GPHN: variants seen among roughly 807,000 people sequenced by gnomAD.
GPHN encodes gephyrin.
GPHN carries 17 observed loss-of-function variants against 95.5 expected under a neutral mutation model. That is an observed-to-expected ratio of 0.18 (90% CI 0.12 to 0.27). The LOEUF is 0.27. Among genes scored for constraint, GPHN ranks in the 10% least tolerant of loss-of-function variants. The pLI, the probability that GPHN is intolerant of heterozygous loss-of-function variation, is 1.00. For missense variants in GPHN, 660 were observed against 978.1 expected (o/e 0.67, Z 4.34); for synonymous variants, 320 against 322.5 (o/e 0.99, Z 0.08).
chr14:67,285,062 G>T, the GPHN span, among the ~76,000 whole-genome samples: 1 of 152,054 alleles, frequency 6.6e-6, no homozygotes, highest in African/African-American at 2.4e-5. Context: ...TCCACAGGTA[G>T]ATGTACTGGA....
intron 4 of GPHN, among the ~76,000 whole-genome samples, chr14:66,867,902 G>A (rs533090380): frequency 2.8e-4 from 42 of 152,186 alleles, no homozygotes; most frequent in Middle Eastern, 3.4e-3. Context: ...CATCAGAAGC[G>A]TCACCTGGAA....
At chr14:67,716,476 C>T in the GPHN span, among the ~76,000 whole-genome samples, 1 of 152,192 alleles carries the variant, frequency 6.6e-6, no homozygotes, top group Non-Finnish European at 1.5e-5. Flanking sequence ...AAATGTTACG[C>T]TTCTTGATTT....
the GPHN span, chr14:67,585,707 T>C: frequency 1.5e-6 from 2 of 1,320,374 alleles, no homozygotes. Context: ...CAACATGGTC[T>C]TTTCTTCTCC....
At chr14:67,067,938 G>T (rs1267818738) in intron 11 of GPHN, among the ~76,000 whole-genome samples, 1 of 152,176 alleles carries the variant, frequency 6.6e-6, no homozygotes, top group Non-Finnish European at 1.5e-5. Flanking sequence ...GCCCTGCTTC[G>T]ACTCGCCCTC....
At chr14:67,292,544 T>C in the GPHN span, 6 of 1,613,218 alleles carry the variant, frequency 3.7e-6, no homozygotes, top group Non-Finnish European at 5.1e-6. Flanking sequence ...CTTAAACATA[T>C]CCAACATACT....
chr14:66,895,784 A>G (rs934281586), intron 5 of GPHN, among the ~76,000 whole-genome samples: 1 of 152,202 alleles, frequency 6.6e-6, no homozygotes, highest in African/African-American at 2.4e-5. Context: ...TGGCAGAAGA[A>G]AAATCATCTC....
intron 1 of GPHN, among the ~76,000 whole-genome samples, chr14:66,643,502 A>T (rs953625269): frequency 6.6e-6 from 1 of 152,112 alleles, no homozygotes; most frequent in Non-Finnish European, 1.5e-5. Flanking sequence ...AGTAGAATGG[A>T]TAACTAAATC....
intron 4 of GPHN, among the ~76,000 whole-genome samples, chr14:66,860,245 A>G (rs925998709): frequency 1.3e-5 from 2 of 152,314 alleles, no homozygotes; most frequent in Admixed American, 1.3e-4. Flanking sequence ...AACAAATGAC[A>G]TACAACGGAG....
chr14:67,553,872 G>C, the GPHN span, among the ~76,000 whole-genome samples: 2 of 152,184 alleles, frequency 1.3e-5, no homozygotes, highest in Non-Finnish European at 2.9e-5. Flanking sequence ...CACCCACTCA[G>C]CTTCCATCTA....
At chr14:66,977,533 C>T (rs552975730) in intron 9 of GPHN, among the ~76,000 whole-genome samples, 1 of 152,090 alleles carries the variant, frequency 6.6e-6, no homozygotes, top group African/African-American at 2.4e-5. Context: ...GAATTTTTAT[C>T]ACAGCATTAT....
At chr14:67,459,396 T>G in the GPHN span, among the ~76,000 whole-genome samples, 69 of 152,332 alleles carry the variant, frequency 4.5e-4, no homozygotes, top group Non-Finnish European at 9.1e-4. Flanking sequence ...ACCTGATGAA[T>G]CAGGGAAGGC....
chr14:67,712,285 T>A, the GPHN span, among the ~76,000 whole-genome samples: 1 of 152,084 alleles, frequency 6.6e-6, no homozygotes, highest in South Asian at 2.1e-4. Context: ...ATCCTGGGTC[T>A]CCAAAAAGGG....
intron 2 of GPHN, among the ~76,000 whole-genome samples, chr14:66,708,547 C>T (rs1337537029): frequency 6.6e-6 from 1 of 152,096 alleles, no homozygotes; most frequent in Admixed American, 6.6e-5. Context: ...ATAAATAACT[C>T]CCCTTTAGGG....
chr14:66,900,388 T>C (rs558604829), intron 5 of GPHN, among the ~76,000 whole-genome samples: 2 of 152,002 alleles, frequency 1.3e-5, no homozygotes, highest in Non-Finnish European at 2.9e-5. Flanking sequence ...TTCCATGAAT[T>C]TGATATGTTA....
intron 8 of GPHN, among the ~76,000 whole-genome samples, chr14:66,948,269 T>G (rs1266217019): frequency 6.6e-6 from 1 of 152,072 alleles, no homozygotes; most frequent in African/African-American, 2.4e-5. Flanking sequence ...GAGAATAACT[T>G]TAGTAAGTAT....
chr14:67,675,227 G>T, the GPHN span, among the ~76,000 whole-genome samples: 1 of 152,166 alleles, frequency 6.6e-6, no homozygotes, highest in Admixed American at 6.5e-5. Flanking sequence ...AGTGGAACCC[G>T]GCCGGGCGAG....
At chr14:67,034,375 G>A (rs771428794) in intron 10 of GPHN, among the ~76,000 whole-genome samples, 29 of 152,144 alleles carry the variant, frequency 1.9e-4, no homozygotes, top group Non-Finnish European at 3.4e-4. Flanking sequence ...TAATGCAAAG[G>A]AAGACAGCAA....
At chr14:66,537,962 G>A (rs1314213168) in intron 1 of GPHN, among the ~76,000 whole-genome samples, 2 of 151,990 alleles carry the variant, frequency 1.3e-5, no homozygotes, top group Non-Finnish European at 2.9e-5. Context: ...CAAGTAGCTG[G>A]GAGTACAGGT....
chr14:67,066,403 G>A (rs1474251710), intron 11 of GPHN, among the ~76,000 whole-genome samples: 3 of 152,100 alleles, frequency 2.0e-5, no homozygotes, highest in Non-Finnish European at 4.4e-5. Flanking sequence ...ACAATTATGT[G>A]TCTTGGGGTT....
Sources: gnomAD v4.1 joint callset for allele counts (sites outside exome capture counted in the v4.1 genomes callset) on GRCh38, gnomAD v4.1.1 for gene constraint, MANE v1.5 for transcripts, NCBI Gene and HGNC (gene_info 2026-07-23, HGNC 2026-07-21) for gene names.